The following ENTREP2 variants were observed in gnomAD, a reference collection of about 807,000 sequenced individuals.
ENTREP2 encodes endosomal transmembrane epsin interactor 2, also known as protein ENTREP2.
the ENTREP2 span, among the ~76,000 whole-genome samples, chr15:29,641,793 C>T: frequency 1.8e-3 from 264 of 147,186 alleles, no homozygotes; most frequent in African/African-American, 6.3e-3. Context: ...GATTGCGCCA[C>T]TGCACTCCAC....
chr15:29,648,862 T>G, the ENTREP2 span, among the ~76,000 whole-genome samples: 3 of 151,514 alleles, frequency 2.0e-5, no homozygotes, highest in South Asian at 6.2e-4. Context: ...TTGCTTGAAC[T>G]AGGGAGGCGG....
chr15:29,616,835 G>A, the ENTREP2 span, among the ~76,000 whole-genome samples: 2 of 152,158 alleles, frequency 1.3e-5, no homozygotes, highest in African/African-American at 4.8e-5. Context: ...AGCACTTTGG[G>A]AGGCTGAGGC....
chr15:29,315,861 T>A, the ENTREP2 span, among the ~76,000 whole-genome samples: 3 of 152,148 alleles, frequency 2.0e-5, no homozygotes, highest in Non-Finnish European at 4.4e-5. Flanking sequence ...CCACGCGATA[T>A]CACTAAGTTA....
At chr15:29,478,137 G>A in the ENTREP2 span, among the ~76,000 whole-genome samples, 9 of 147,068 alleles carry the variant, frequency 6.1e-5, no homozygotes, top group African/African-American at 2.3e-4. Flanking sequence ...CCATTCTCCT[G>A]CCTCAGCCTC....
At chr15:29,566,763 T>C in the ENTREP2 span, among the ~76,000 whole-genome samples, 12 of 152,166 alleles carry the variant, frequency 7.9e-5, no homozygotes, top group Non-Finnish European at 1.8e-4. Context: ...CAGTCACTTT[T>C]TTATCTTCAG....
At chr15:29,603,853 G>A in the ENTREP2 span, among the ~76,000 whole-genome samples, 2 of 152,102 alleles carry the variant, frequency 1.3e-5, no homozygotes, top group African/African-American at 4.8e-5. Flanking sequence ...TGGCCAGGCT[G>A]GTCTTGAACT....
At chr15:29,439,339 T>C in the ENTREP2 span, among the ~76,000 whole-genome samples, 1 of 122,144 alleles carries the variant, frequency 8.2e-6, no homozygotes, top group East Asian at 2.3e-4. Context: ...ACACAAACAG[T>C]AGAGGGTGGG....
chr15:29,605,927 A>C, the ENTREP2 span, among the ~76,000 whole-genome samples: 1 of 152,166 alleles, frequency 6.6e-6, no homozygotes, highest in Non-Finnish European at 1.5e-5. Flanking sequence ...CTAGGATAAG[A>C]AATAGAACTT....
At chr15:29,216,739 G>A in the ENTREP2 span, among the ~76,000 whole-genome samples, 1 of 151,846 alleles carries the variant, frequency 6.6e-6, no homozygotes, top group Non-Finnish European at 1.5e-5. Context: ...GTTTTTTCCT[G>A]ATTATAAAAG....
At chr15:29,384,510 A>T in the ENTREP2 span, among the ~76,000 whole-genome samples, 126,817 of 151,904 alleles carry the variant, frequency 0.83, 53,050 homozygotes, top group African/African-American at 0.88. Context: ...AAACCGCATC[A>T]CCCTGGCCTG....
At chr15:29,513,441 T>G in the ENTREP2 span, among the ~76,000 whole-genome samples, 3 of 152,188 alleles carry the variant, frequency 2.0e-5, no homozygotes, top group Non-Finnish European at 4.4e-5. Flanking sequence ...TGGTCAACAT[T>G]AGCAAGAAGC....
the ENTREP2 span, among the ~76,000 whole-genome samples, chr15:29,224,099 C>T: frequency 2.9e-4 from 44 of 152,170 alleles, no homozygotes; most frequent in African/African-American, 9.9e-4. Flanking sequence ...TTTGTTCCTT[C>T]TGGTGTTCGG....
the ENTREP2 span, among the ~76,000 whole-genome samples, chr15:29,626,337 C>T: frequency 5.9e-5 from 9 of 152,212 alleles, no homozygotes; most frequent in South Asian, 1.4e-3. Context: ...GGGGCGGTTT[C>T]CCCCATACTG....
At chr15:29,673,121 A>AG in the ENTREP2 span, among the ~76,000 whole-genome samples, 1 of 152,114 alleles carries the variant, frequency 6.6e-6, no homozygotes, top group Non-Finnish European at 1.5e-5. Context: ...TGCTGGTAGG[A>AG]GTGTCTTTTA....
At chr15:29,657,493 G>T in the ENTREP2 span, among the ~76,000 whole-genome samples, 10 of 135,960 alleles carry the variant, frequency 7.4e-5, no homozygotes, top group East Asian at 7.1e-4. Flanking sequence ...CGGGGGGGGG[G>T]GGTGGCCAGC....
At chr15:29,130,966 A>T in the ENTREP2 span, among the ~76,000 whole-genome samples, 1 of 152,212 alleles carries the variant, frequency 6.6e-6, no homozygotes, top group Non-Finnish European at 1.5e-5. Flanking sequence ...AGGGCTGTTG[A>T]CAGGAGACGC....
chr15:29,560,784 C>T, the ENTREP2 span, among the ~76,000 whole-genome samples: 150 of 151,986 alleles, frequency 9.9e-4, no homozygotes, highest in African/African-American at 3.0e-3. Flanking sequence ...ACATGTCCCA[C>T]AGCAACATGG....
chr15:29,569,670 T>C, the ENTREP2 span: 1 of 152,214 alleles, frequency 6.6e-6, no homozygotes. Context: ...AAAAACCGAC[T>C]TTCATCAAAA....
chr15:29,157,086 G>A, the ENTREP2 span, among the ~76,000 whole-genome samples: 1 of 152,120 alleles, frequency 6.6e-6, no homozygotes, highest in Non-Finnish European at 1.5e-5. Context: ...GACAAAGCGA[G>A]ACTCTGTCTG....
Sources: gnomAD v4.1 joint callset for allele counts (sites outside exome capture counted in the v4.1 genomes callset) on GRCh38, gnomAD v4.1.1 for gene constraint, MANE v1.5 for transcripts, NCBI Gene and HGNC (gene_info 2026-07-23, HGNC 2026-07-21) for gene names.